The following ST6GALNAC5 variants were observed in gnomAD, a reference collection of about 807,000 sequenced individuals.
The protein encoded by ST6GALNAC5 is alpha-N-acetylgalactosaminide alpha-2,6-sialyltransferase 5.
ST6GALNAC5 carries 27 observed loss-of-function variants against 33.6 expected under a neutral mutation model. The ratio of observed to expected loss-of-function variants is 0.80; its 90% CI spans 0.59 to 1.11. The LOEUF (loss-of-function observed/expected upper bound fraction) is 1.11. Ranked by LOEUF, ST6GALNAC5 falls within the 50% of genes least tolerant of loss-of-function variation. The probability of loss-of-function intolerance (pLI) is 0.00; values close to 1 mark genes in which losing one functional copy is unlikely to be tolerated. For synonymous variants in ST6GALNAC5, 194 were observed against 171.2 expected (o/e 1.13, Z -1.04); for missense variants, 428 against 454.0 (o/e 0.94, Z 0.52).
chr1:76,915,853 T>TA (rs200643705), intron 2 of ST6GALNAC5, among the ~76,000 whole-genome samples: 1,995 of 147,774 alleles, frequency 0.014, 42 homozygotes, highest in African/African-American at 0.046. Flanking sequence ...TAATAATAAA[T>TA]TAAAAAAAGA....
intron 2 of ST6GALNAC5, among the ~76,000 whole-genome samples, chr1:76,888,771 A>G (rs763869655): frequency 7.0e-6 from 1 of 143,182 alleles, no homozygotes; most frequent in Non-Finnish European, 1.5e-5. Context: ...TCCTAAATGA[A>G]TTAATTTATT....
chr1:77,008,269 G>A (rs1650502607), intron 2 of ST6GALNAC5, among the ~76,000 whole-genome samples: 1 of 152,174 alleles, frequency 6.6e-6, no homozygotes, highest in Admixed American at 6.5e-5. Flanking sequence ...GGGTAAGCAG[G>A]TATTTCAGTG....
At position 76,868,867 on chromosome 1, in the gene ST6GALNAC5, G is replaced by A. The variant is rs1653429862; in HGVS notation, c.261+125G>A. The A allele has an allele frequency of 1.2e-5, 16 of 1,385,446 alleles. No individual in the cohort carries two copies. The highest frequency in any genetic ancestry group is 1.5e-5 in the Non-Finnish European group (16 of 1,064,164). 85.8% of individuals were successfully genotyped at this position (1,385,446 alleles called of 1,614,324 possible). A position where few individuals can be genotyped will look rare whatever the true frequency, so the allele number is the denominator to read the frequency against. On this transcript the variant is annotated intron_variant, in intron 2 of 4. Transcript: ENST00000477717. The surrounding 1 kb of genome is among the most constrained non-coding windows in gnomAD (Gnocchi z 4.3). ...GCCGTTCGAAGGCTGGAGGGGAGTG[G>A]ACCCGCTGGGGTAGGGTGGGCTAGT...
rs1349862783 is a variant in ST6GALNAC5, at chr1:77,067,418, T to C, written c.*4212T>C. On this transcript the variant is annotated 3_prime_UTR_variant, in exon 5 of 5. Transcript: ENST00000477717. ...TCTTTTTATGCATGTGTCCTGTTAG[T>C]CTAATTAGATTGTAAGCTCCTTGAG... Among the ~76,000 whole-genome samples the C allele has an allele frequency of 6.6e-6, 1 of 152,188 alleles. No homozygotes were observed. The highest frequency in any genetic ancestry group is 2.4e-5 in the African/African-American group (1 of 41,456).
intron 2 of ST6GALNAC5, among the ~76,000 whole-genome samples, chr1:76,948,320 G>A (rs1933392): frequency 0.96 from 146,797 of 152,248 alleles, 70,810 homozygotes; most frequent in East Asian, 1. Context: ...TCTCTGCTGC[G>A]GGAGACCTTC....
At chr1:76,970,911 T>C (rs922734799) in intron 2 of ST6GALNAC5, among the ~76,000 whole-genome samples, 13 of 152,230 alleles carry the variant, frequency 8.5e-5, no homozygotes, top group African/African-American at 3.1e-4. Context: ...GTAGATGATG[T>C]GATTTACAGA....
At chr1:77,007,400 C>G (rs1570089218) in intron 2 of ST6GALNAC5, among the ~76,000 whole-genome samples, 1 of 152,200 alleles carries the variant, frequency 6.6e-6, no homozygotes, top group East Asian at 1.9e-4. Context: ...CTACTCATGT[C>G]TGGAACTCTT....
chr1:76,966,831 C>G (rs1056882946), intron 2 of ST6GALNAC5, among the ~76,000 whole-genome samples: 1 of 152,166 alleles, frequency 6.6e-6, no homozygotes, highest in Non-Finnish European at 1.5e-5. Context: ...TATCAAAGGC[C>G]TTTTCTGCAT....
At chr1:76,977,648 TC>T (rs1649065889) in intron 2 of ST6GALNAC5, among the ~76,000 whole-genome samples, 1 of 152,234 alleles carries the variant, frequency 6.6e-6, no homozygotes, top group African/African-American at 2.4e-5. Context: ...AGAATTTCGT[TC>T]TGTTTTATGA....
chr1:76,875,100 T>C (rs1653607053), intron 2 of ST6GALNAC5, among the ~76,000 whole-genome samples: 1 of 152,066 alleles, frequency 6.6e-6, no homozygotes, highest in South Asian at 2.1e-4. Context: ...TGCACAAACG[T>C]TTTTAACAGA....
chr1:77,031,021 CA>C (rs1488056879), intron 2 of ST6GALNAC5, among the ~76,000 whole-genome samples: 1 of 152,140 alleles, frequency 6.6e-6, no homozygotes, highest in African/African-American at 2.4e-5. Flanking sequence ...GCATTGTGCA[CA>C]TAAAAGGGAA....
chr1:76,957,573 G>A (rs183922412), intron 2 of ST6GALNAC5, among the ~76,000 whole-genome samples: 1 of 152,108 alleles, frequency 6.6e-6, no homozygotes, highest in African/African-American at 2.4e-5. Context: ...TGACACATTC[G>A]TTTTATTTTT....
At chr1:76,926,079 G>A (rs890929883) in intron 2 of ST6GALNAC5, among the ~76,000 whole-genome samples, 3 of 152,126 alleles carry the variant, frequency 2.0e-5, no homozygotes, top group East Asian at 1.9e-4. Flanking sequence ...GATCTGCCTC[G>A]CAGGATCAGA....
At chr1:77,062,806 C>T (rs749962281) in intron 4 of ST6GALNAC5, among the ~76,000 whole-genome samples, 169 bp from the exon 5 acceptor site, 1 of 152,086 alleles carries the variant, frequency 6.6e-6, no homozygotes, top group African/African-American at 2.4e-5. Flanking sequence ...TTCACAACCT[C>T]AAAACCTCTC....
intron 2 of ST6GALNAC5, among the ~76,000 whole-genome samples, chr1:77,000,903 T>C (rs1650130705): frequency 1.3e-5 from 2 of 152,096 alleles, no homozygotes; most frequent in South Asian, 4.2e-4. Flanking sequence ...AGCCTTGTAA[T>C]ATAGTTTGAA....
chr1:76,915,514 T>C (rs938326927), intron 2 of ST6GALNAC5, among the ~76,000 whole-genome samples: 9 of 152,170 alleles, frequency 5.9e-5, no homozygotes, highest in African/African-American at 2.2e-4. Flanking sequence ...TACGCAGCCA[T>C]AAAAAATGAT....
chr1:76,983,690 C>A (rs1239411366), intron 2 of ST6GALNAC5, among the ~76,000 whole-genome samples: 1 of 152,200 alleles, frequency 6.6e-6, no homozygotes, highest in Non-Finnish European at 1.5e-5. Context: ...CTCTCCACCC[C>A]AAATCAACAG....
At chr1:77,037,400 G>T (rs752784984) in intron 2 of ST6GALNAC5, among the ~76,000 whole-genome samples, 1 of 152,120 alleles carries the variant, frequency 6.6e-6, no homozygotes, top group African/African-American at 2.4e-5. Context: ...GACTACTAGA[G>T]TGGGGAAGGA....
intron 2 of ST6GALNAC5, among the ~76,000 whole-genome samples, chr1:76,999,284 C>A (rs1190045277): frequency 1.3e-5 from 2 of 152,126 alleles, no homozygotes; most frequent in Admixed American, 1.3e-4. Flanking sequence ...TGGCCAATAT[C>A]TTGTAACTTT....
Sources: gnomAD v4.1 joint callset for allele counts (sites outside exome capture counted in the v4.1 genomes callset) on GRCh38, gnomAD v4.1.1 for gene constraint, Gnocchi (gnomAD v3.1) non-coding constraint, MANE v1.5 for transcripts, NCBI Gene and HGNC (gene_info 2026-07-23, HGNC 2026-07-21) for gene names.